Variants in KIF21A observed in about 807,000 individuals in gnomAD.
KIF21A encodes the protein kinesin family member 21A, also known as kinesin-like protein KIF21A.
In KIF21A, 114 loss-of-function variants were observed where a neutral mutation model predicts 202.9. That is an observed-to-expected ratio of 0.56 (90% CI 0.48 to 0.66). The LOEUF is 0.66. KIF21A is among the 30% of genes least tolerant of loss of function. KIF21A has a pLI of 0.00. For missense variants in KIF21A, 1,677 were observed against 1,994.9 expected (o/e 0.84, Z 3.04); for synonymous variants, 667 against 670.8 (o/e 0.99, Z 0.09).
At chr12:39,436,015 G>T (rs544093080) in intron 1 of KIF21A, among the ~76,000 whole-genome samples, 13 of 151,766 alleles carry the variant, frequency 8.6e-5, no homozygotes, top group Non-Finnish European at 1.6e-4. Context: ...CTACCCCTGC[G>T]GTTCCTCTCC....
chr12:39,410,448 AAAG>A (rs1285552880), intron 1 of KIF21A, among the ~76,000 whole-genome samples: 1 of 152,224 alleles, frequency 6.6e-6, no homozygotes, highest in East Asian at 1.9e-4. Context: ...TGACAGAATA[AAAG>A]AAGAAACTGG....
At chr12:39,366,773 A>G (rs1264136591) in intron 5 of KIF21A, among the ~76,000 whole-genome samples, 1 of 152,190 alleles carries the variant, frequency 6.6e-6, no homozygotes, top group African/African-American at 2.4e-5. Flanking sequence ...TAATCCTCAA[A>G]AGCAAAAGGT....
rs767617333 is a variant in KIF21A at position 39,309,750 on chromosome 12, T to C, written c.4113A>G (p.Val1371=). 1.2e-6 allele frequency: 2 copies of C among 1,613,112 alleles called. No homozygotes were observed. Among genetic ancestry groups the C allele is most frequent in the East Asian group, 4.5e-5 (2 of 44,856 alleles). ...FTGSKDRTCK[V]WNLVTGQEIM... ...TTTCCTGCCCAGTCACCAGATTCCA[T>C]ACTTTACAAGTACGATCTAAAACAA... The change falls in exon 33 of 38, where the codon GTA becomes GTG. Residue 1371 remains valine (V), a synonymous_variant. Coordinates refer to ENST00000361418, the MANE Select transcript of KIF21A (RefSeq NM_001173464.2).
In KIF21A at chr12:39,416,715, G is replaced by GTACATATATATGTGTA. The variant is rs1953701442; in HGVS notation, c.44+26211_44+26212insTACACATATATATGTA. Among the ~76,000 whole-genome samples, 27 of 74,328 alleles carry GTACATATATATGTGTA rather than the reference G, an allele frequency of 3.6e-4. 5 individuals carry two copies. In the South Asian group the frequency reaches 3.7e-3, roughly 10 times the overall value. The allele number at this position is 74,328 out of a possible 152,430, so 48.8% of individuals were successfully genotyped here. ...TATATATATGTACATATATATGTGT[G>GTACATATATATGTGTA]TATATATGTACATATATATGTGTAT... On this transcript the variant is annotated intron_variant, in intron 1 of 37. Transcript: ENST00000361418.
At chr12:39,307,759 C>A in intron 33 of KIF21A, 30 bp from the exon 34 acceptor site, 1 of 1,607,278 alleles carries the variant, frequency 6.2e-7, no homozygotes, top group South Asian at 1.1e-5. Context: ...GCAAAAAAGT[C>A]ACACTTCTGG....
intron 12 of KIF21A, among the ~76,000 whole-genome samples, chr12:39,343,255 G>T (rs143484298): frequency 0.049 from 7,472 of 152,108 alleles, 632 homozygotes; most frequent in African/African-American, 0.17. Context: ...AGCTACTAAG[G>T]AGGCTGGGGC....
chr12:39,395,584 G>A (rs1156271479), intron 1 of KIF21A, among the ~76,000 whole-genome samples: 1 of 152,084 alleles, frequency 6.6e-6, no homozygotes, highest in Non-Finnish European at 1.5e-5. Context: ...GCTGACGCCT[G>A]TAATCCCAGC....
At position 39,301,655 on chromosome 12, in the gene KIF21A, A is replaced by C; in HGVS notation, c.4756T>G (p.Trp1586Gly). The C allele has an allele frequency of 6.2e-7, 1 of 1,614,130 alleles. No homozygotes were observed. Among genetic ancestry groups the C allele is most frequent in the Non-Finnish European group, 8.5e-7 (1 of 1,179,984 alleles). ...GGCACCACTCCCAGGGCACAGACCC[A>C]ATCCTTATGTGCATTTGGAACTTGC... ...LQQVPNAHKDWVCALGVVPDH... is the reference protein window; with the variant it reads ...LQQVPNAHKDGVCALGVVPDH... The change falls in exon 37 of 38, where the codon TGG (tryptophan) becomes GGG (glycine). Residue 1586 changes from tryptophan (W) to glycine (G), a missense_variant. Trp to Gly is a radical substitution (Grantham distance 184). Coordinates refer to ENST00000361418, the MANE Select transcript of KIF21A (RefSeq NM_001173464.2).
In KIF21A at chr12:39,304,953, A is replaced by C. The variant is rs747186773; in HGVS notation, c.4443-15T>G. On this transcript the variant is annotated splice_polypyrimidine_tract_variant and intron_variant, in intron 34 of 37. Coordinates refer to ENST00000361418, the MANE Select transcript of KIF21A (RefSeq NM_001173464.2). ...TAGACTGAAACCTTTAAAAATAAAG[A>C]AAAATAGTTTTGTTTAAAATTATTT... 2 of 1,259,150 alleles carry C rather than the reference A, an allele frequency of 1.6e-6. No individual in the cohort carries two copies. Among genetic ancestry groups the C allele is most frequent in the Non-Finnish European group, 2.3e-6 (2 of 862,814 alleles). 78.0% of individuals were successfully genotyped at this position (1,259,150 alleles called of 1,614,324 possible). A position where few individuals can be genotyped will look rare whatever the true frequency, so the allele number is the denominator to read the frequency against.
chr12:39,379,736 C>T (rs1950493026), intron 1 of KIF21A, among the ~76,000 whole-genome samples: 1 of 152,130 alleles, frequency 6.6e-6, no homozygotes, highest in South Asian at 2.1e-4. Flanking sequence ...TGTCCCTCTC[C>T]CAAAGGCCAC....
At chr12:39,301,864 C>A (rs1352044267) in intron 36 of KIF21A, among the ~76,000 whole-genome samples, 185 bp from the exon 37 acceptor site, 1 of 152,222 alleles carries the variant, frequency 6.6e-6, no homozygotes, top group Non-Finnish European at 1.5e-5. Context: ...TGCTTCCCAA[C>A]TTGCCTCACT....
chr12:39,414,585 G>C (rs1261352758), intron 1 of KIF21A, among the ~76,000 whole-genome samples: 1 of 152,156 alleles, frequency 6.6e-6, no homozygotes, highest in Non-Finnish European at 1.5e-5. Flanking sequence ...ATAACTCTGG[G>C]AAGAAATCCA....
intron 12 of KIF21A, among the ~76,000 whole-genome samples, chr12:39,344,300 G>A (rs1375561773): frequency 6.6e-6 from 1 of 152,098 alleles, no homozygotes; most frequent in Non-Finnish European, 1.5e-5. Flanking sequence ...CAATTAAAAG[G>A]CCAGCAGCAT....
chr12:39,344,847 T>C (rs780601146), intron 12 of KIF21A, among the ~76,000 whole-genome samples: 6 of 152,308 alleles, frequency 3.9e-5, no homozygotes, highest in South Asian at 2.1e-4. Context: ...GTGCTTTATA[T>C]AGAATCAGAA....
At chr12:39,382,499 A>C (rs187318414) in intron 1 of KIF21A, among the ~76,000 whole-genome samples, 4 of 152,308 alleles carry the variant, frequency 2.6e-5, no homozygotes, top group Admixed American at 1.3e-4. Context: ...GCAATGTTGC[A>C]TATGTGTCTT....
chr12:39,322,799 G>A lies in KIF21A; in HGVS notation c.3540C>T (p.Ala1180=), dbSNP rs1565755185. 3.1e-6 allele frequency: 5 copies of A among 1,614,086 alleles called. No individual in the cohort carries two copies. The highest frequency in any genetic ancestry group is 3.4e-6 in the Non-Finnish European group (4 of 1,180,000). ...CAGGTGTGAGAGGGCCAGGCAAGGA[G>A]GCATCTCCTGTACTAGTGTCTGAAG... ...ELASDTSTGD[A]SLPGPLTPVA... is the part of the protein sequence containing the mutation. The change falls in exon 27 of 38, where the codon GCC becomes GCT. Residue 1180 remains alanine, a synonymous_variant. Coordinates refer to ENST00000361418, the MANE Select transcript of KIF21A (RefSeq NM_001173464.2).
chr12:39,330,960 C>T, intron 22 of KIF21A, 49 bp from the exon 23 acceptor site: 8 of 1,578,728 alleles, frequency 5.1e-6, no homozygotes, highest in Non-Finnish European at 7.0e-6. Flanking sequence ...CAGGATCTAC[C>T]ACACAAAGAT....
At chr12:39,329,359 T>A (rs977169470) in intron 24 of KIF21A, among the ~76,000 whole-genome samples, 1 of 152,096 alleles carries the variant, frequency 6.6e-6, no homozygotes, top group African/African-American at 2.4e-5. Context: ...CTTCTGCACA[T>A]AAAGACATCA....
Position 39,303,108 on chromosome 12 carries a change from CA to C in KIF21A, c.4587del (p.Thr1531LeufsTer2). The C allele has an allele frequency of 6.2e-7, 1 of 1,614,008 alleles. No homozygotes were observed. ...IKMFDVTEGA[L>X]GTVSPTHNFE... Reference sequence around the variant, plus strand: ...AAATTGTGGGTGGGACTCACAGTCCCAAGAGCTCCTTCTGTAACATCAAACA... The same window carrying C: ...AAATTGTGGGTGGGACTCACAGTCCCAGAGCTCCTTCTGTAACATCAAACA... On this transcript the variant is annotated frameshift_variant, in exon 36 of 38. Transcript: ENST00000361418. LOFTEE classifies it high-confidence loss of function.
Sources: allele counts gnomAD v4.1 joint callset (sites outside exome capture counted in the v4.1 genomes callset), GRCh38; gene constraint gnomAD v4.1.1; transcripts MANE v1.5; gene names NCBI Gene and HGNC (gene_info 2026-07-23, HGNC 2026-07-21).